The following ODF2 variants were observed in gnomAD, a reference collection of about 807,000 sequenced individuals.
ODF2 encodes the protein outer dense fiber of sperm tails 2.
In ODF2, 47 loss-of-function variants were observed where a neutral mutation model predicts 110.2. That is an observed-to-expected ratio of 0.43 (90% CI 0.34 to 0.54). ODF2 has a LOEUF of 0.54. ODF2 is among the 20% of genes least tolerant of loss of function. The probability of loss-of-function intolerance (pLI) is 0.03; values close to 1 mark genes in which losing one functional copy is unlikely to be tolerated. For synonymous variants in ODF2, 352 were observed against 397.7 expected, an observed-to-expected ratio of 0.89 and a Z score of 1.37; for missense variants, 812 against 1,054.5, an observed-to-expected ratio of 0.77 and a Z score of 3.19.
At position 128,498,393 on chromosome 9, in the gene ODF2, G is replaced by T; in HGVS notation, c.2013-20G>T. ...ACAGGTTGGGGTATGCCCAGGATCT[G>T]ATTGAGTGCTTTCACCTAGGAAACT... On this transcript the variant is annotated intron_variant, in intron 18 of 20. Transcript: ENST00000604420. 1 of 1,559,662 alleles carries T rather than the reference G, an allele frequency of 6.4e-7. No homozygotes were observed. The highest frequency in any genetic ancestry group is 1.2e-5 in the South Asian group (1 of 81,870).
chr9:128,466,740 G>C (rs1414586704), intron 4 of ODF2, among the ~76,000 whole-genome samples: 1 of 149,366 alleles, frequency 6.7e-6, no homozygotes, highest in African/African-American at 2.4e-5. Context: ...CACTTTGGGA[G>C]GCCGAGGCGG....
chr9:128,460,621 C>T (rs764396601), intron 3 of ODF2: 69 of 1,613,998 alleles, frequency 4.3e-5, no homozygotes, highest in South Asian at 4.0e-4. Context: ...CCCCTGTCCA[C>T]GTCCACATAA....
chr9:128,456,232 C>T (rs1834733458), exon 1 of ODF2: 1 of 1,546,168 alleles, frequency 6.5e-7, no homozygotes. Context: ...GGCGGCGTTT[C>T]TGGGCGCAGC....
rs1300654287 is a variant in ODF2, at chr9:128,485,503, G to T, written c.1400+29G>T. The stretch of plus-strand genomic sequence containing the variant: ...CGTCTTAGAGTAGGAGAGGGAATGT[G>T]GCGCTGTTGAGGGACTTGGGTGTGC... On this transcript the variant is annotated intron_variant, in intron 13 of 20. Transcript: ENST00000604420. This position sits in a 1 kb window ranked among gnomAD's most constrained non-coding sequence, Gnocchi z 5.0. 1.2e-5 allele frequency: 16 copies of T among 1,312,906 alleles called. No homozygotes were observed. The highest frequency in any genetic ancestry group is 1.6e-5 in the Non-Finnish European group (15 of 911,484). The allele number at this position is 1,312,906 out of a possible 1,614,324, so 81.3% of individuals were successfully genotyped here. A position where few individuals can be genotyped will look rare whatever the true frequency, so the allele number is the denominator to read the frequency against.
chr9:128,464,258 C>A (rs1837282452), intron 4 of ODF2, among the ~76,000 whole-genome samples: 1 of 149,042 alleles, frequency 6.7e-6, no homozygotes, highest in Non-Finnish European at 1.5e-5. Context: ...CAGGTTCAAG[C>A]AATTCTTCTG....
At chr9:128,500,441 TCTC>T in exon 21 of ODF2, 2 of 589,378 alleles carry the variant, frequency 3.4e-6, no homozygotes, top group South Asian at 4.5e-5. Flanking sequence ...CACTTGGTTT[TCTC>T]CTTCCTGATA....
At chr9:128,500,315 C>A (rs1846329555) in exon 21 of ODF2, 4 of 1,556,936 alleles carry the variant, frequency 2.6e-6, no homozygotes, top group South Asian at 1.1e-5. Context: ...AGTTGCCAAG[C>A]CATAGCTGAG....
chr9:128,472,460 C>T (rs1188817062), intron 6 of ODF2, among the ~76,000 whole-genome samples: 3 of 152,178 alleles, frequency 2.0e-5, no homozygotes, highest in Admixed American at 6.5e-5. Context: ...CTGCCCACCT[C>T]GGCTTCCCAA....
chr9:128,473,168 G>A lies in ODF2; in HGVS notation c.711+126G>A, dbSNP rs190850042. Reference sequence around the variant, plus strand: ...ACATCTTCAGGCTGGGGGAGAGCACGCTTAACTAGGCCCCCACCCACCACT... The same window carrying A: ...ACATCTTCAGGCTGGGGGAGAGCACACTTAACTAGGCCCCCACCCACCACT... On this transcript the variant is annotated intron_variant, in intron 7 of 20. Coordinates refer to ENST00000604420, the Ensembl canonical transcript of ODF2. 1.1e-5 allele frequency: 16 copies of A among 1,476,746 alleles called. No individual in the cohort carries two copies. The East Asian group carries it at 3.0e-4, about 28-fold the overall frequency. 91.5% of individuals were successfully genotyped at this position (1,476,746 alleles called of 1,614,324 possible).
chr9:128,460,770 ACT>A, intron 3 of ODF2, 104 bp downstream of exon 3: 1 of 1,526,488 alleles, frequency 6.6e-7, no homozygotes, highest in South Asian at 1.2e-5. Flanking sequence ...AGACAAACAC[ACT>A]CTTTCGGAGG....
chr9:128,488,039 G>A lies in ODF2; in HGVS notation c.1536+14G>A, dbSNP rs748661590. ...GAGAGGCTGAAGGTTCGCAGTGAGA[G>A]CTGGGGACCAGGCAGCTGGATGGGG... On this transcript the variant is annotated intron_variant, in intron 14 of 20. Coordinates refer to ENST00000604420, the Ensembl canonical transcript of ODF2. 2 of 1,613,410 alleles carry A rather than the reference G, an allele frequency of 1.2e-6. No homozygotes were observed. The highest frequency in any genetic ancestry group is 1.1e-5 in the South Asian group (1 of 91,074).
intron 9 of ODF2, among the ~76,000 whole-genome samples, chr9:128,482,014 C>G (rs1379569249): frequency 1.3e-5 from 2 of 152,220 alleles, no homozygotes; most frequent in Non-Finnish European, 2.9e-5. Flanking sequence ...TTCTAGGAAT[C>G]TCTCCCAAAG....
intron 14 of ODF2, among the ~76,000 whole-genome samples, chr9:128,489,507 A>G (rs1381436675): frequency 6.6e-6 from 1 of 152,158 alleles, no homozygotes; most frequent in Non-Finnish European, 1.5e-5. Context: ...AATAGTTTGA[A>G]TATCCCTGGG....
At chr9:128,498,721 G>T in intron 19 of ODF2, 146 bp downstream of exon 19, 1 of 645,126 alleles carries the variant, frequency 1.6e-6, no homozygotes, top group Non-Finnish European at 2.7e-6. Flanking sequence ...ATCGTAGAGG[G>T]CTCAGCACTT....
chr9:128,461,141 C>T (rs1836340975), intron 4 of ODF2, 74 bp downstream of exon 4: 2 of 1,551,474 alleles, frequency 1.3e-6, no homozygotes. Context: ...CGGTATGATT[C>T]AGGGTCAGCT....
In ODF2 at chr9:128,484,958, C is replaced by T. The variant is rs1843091273; in HGVS notation, c.1290+72C>T. Reference sequence around the variant, plus strand: ...TGGGTGATGGCAGAGGGGTGGTCAGCCAGATGGGTAGCGGGGAGGGGTGGG... The same window carrying T: ...TGGGTGATGGCAGAGGGGTGGTCAGTCAGATGGGTAGCGGGGAGGGGTGGG... On this transcript the variant is annotated intron_variant, in intron 12 of 20. Coordinates refer to ENST00000604420, the Ensembl canonical transcript of ODF2. 3 of 1,498,546 alleles carry T rather than the reference C, an allele frequency of 2.0e-6. No individual in the cohort carries two copies. In the East Asian group the frequency reaches 7.0e-5, roughly 35 times the overall value. 92.8% of individuals were successfully genotyped at this position (1,498,546 alleles called of 1,614,324 possible). A position where few individuals can be genotyped will look rare whatever the true frequency, so the allele number is the denominator to read the frequency against.
rs761231951 is a variant in ODF2, at chr9:128,456,590, C to T, written c.-209+335C>T. On this transcript the variant is annotated intron_variant, in intron 1 of 20. Coordinates refer to ENST00000604420, the Ensembl canonical transcript of ODF2. Reference sequence around the variant, plus strand: ...TCCTGCCTGCTGGTGGGTGGCCGTCCCTTCTCTCCGCCGACAGAGGCTCTC... The same window carrying T: ...TCCTGCCTGCTGGTGGGTGGCCGTCTCTTCTCTCCGCCGACAGAGGCTCTC... 8.5e-6 allele frequency: 13 copies of T among 1,522,520 alleles called. No homozygotes were observed. In the East Asian group the frequency reaches 2.1e-4, roughly 24 times the overall value. 94.3% of individuals were successfully genotyped at this position (1,522,520 alleles called of 1,614,324 possible).
intron 6 of ODF2, 132 bp from the exon 7 acceptor site, chr9:128,472,781 G>A: frequency 7.1e-7 from 1 of 1,400,770 alleles, no homozygotes; most frequent in Non-Finnish European, 9.7e-7. Context: ...CAGGCCAGAA[G>A]GGCTGTCCCT....
At chr9:128,500,341 CCTCTCCCAGTG>C in exon 21 of ODF2, 3 of 1,386,458 alleles carry the variant, frequency 2.2e-6, no homozygotes, top group Admixed American at 1.9e-5. Context: ...TGGTGGTTTT[CCTCTCCCAGTG>C]AAAAAATGGG....
Sources: allele counts gnomAD v4.1 joint callset (sites outside exome capture counted in the v4.1 genomes callset), GRCh38; gene constraint gnomAD v4.1.1; non-coding constraint Gnocchi (gnomAD v3.1); transcripts MANE v1.5; gene names NCBI Gene and HGNC (gene_info 2026-07-23, HGNC 2026-07-21).